The following VPS13C variants were observed in gnomAD, a reference collection of about 807,000 sequenced individuals.
The protein encoded by VPS13C is vacuolar protein sorting 13 homolog C.
VPS13C carries 358 observed loss-of-function variants against 456.8 expected under a neutral mutation model. The ratio of observed to expected loss-of-function variants is 0.78; its 90% CI spans 0.72 to 0.86. The LOEUF (loss-of-function observed/expected upper bound fraction) is 0.86, where lower values mean the gene tolerates loss of function less well. Ranked by LOEUF, VPS13C falls within the 40% of genes least tolerant of loss-of-function variation. The pLI is 0.00. For synonymous variants in VPS13C, 1,578 were observed against 1,486.7 expected (o/e 1.06, Z -1.41); for missense variants, 4,818 against 4,385.4 (o/e 1.10, Z -2.79).
chr15:61,876,980 C>T lies in VPS13C; in HGVS notation c.10217G>A (p.Ser3406Asn). The T allele has an allele frequency of 6.2e-7, 1 of 1,602,714 alleles. No homozygotes were observed. Among genetic ancestry groups the T allele is most frequent in the Non-Finnish European group, 8.5e-7 (1 of 1,173,734 alleles). ...ACTATGATAGGAAATTACCTGTTCA[C>T]TGTAATGCCTAACAACACTCCATAT... The part of the protein sequence containing the change: ...QLIWSVVRHY[S>N]EQFLKQMYVL... Residue 3406 changes from serine to asparagine, a missense_variant, in exon 75 of 85, where the codon AGT becomes AAT. Transcript: ENST00000644861.
chr15:61,991,242 A>G (rs1409944647), intron 17 of VPS13C, 148 bp from the exon 18 acceptor site: 5 of 618,836 alleles, frequency 8.1e-6, no homozygotes, highest in Non-Finnish European at 1.4e-5. Flanking sequence ...ATATACTACA[A>G]CTTTGACCAA....
chr15:61,901,865 A>G (rs2043007839), intron 66 of VPS13C, among the ~76,000 whole-genome samples: 1 of 152,088 alleles, frequency 6.6e-6, no homozygotes, highest in African/African-American at 2.4e-5. Context: ...ACCAACCCAA[A>G]TGTCCAACAA....
At chr15:62,019,636 G>A (rs1233273769) in intron 9 of VPS13C, among the ~76,000 whole-genome samples, 2 of 152,084 alleles carry the variant, frequency 1.3e-5, no homozygotes, top group Admixed American at 1.3e-4. Context: ...TAGTTTGATT[G>A]CACTGTGGTC....
At chr15:62,027,211 T>C (rs926456312) in intron 6 of VPS13C, among the ~76,000 whole-genome samples, 65 of 152,082 alleles carry the variant, frequency 4.3e-4, no homozygotes, top group African/African-American at 1.4e-3. Context: ...ACCAACATTC[T>C]GGACCTCATT....
At chr15:61,933,789 CA>C (rs2044137048) in intron 49 of VPS13C, among the ~76,000 whole-genome samples, 1 of 152,062 alleles carries the variant, frequency 6.6e-6, no homozygotes, top group Non-Finnish European at 1.5e-5. Context: ...AATAGAAACA[CA>C]ATTAATGCTT....
In VPS13C at chr15:61,942,085, T is replaced by A; in HGVS notation, c.5149-18A>T. The A allele has an allele frequency of 6.6e-7, 1 of 1,525,424 alleles. No individual in the cohort carries two copies. 94.5% of individuals were successfully genotyped at this position (1,525,424 alleles called of 1,614,324 possible). On this transcript the variant is annotated intron_variant, in intron 45 of 84. Transcript: ENST00000644861. ...AGGAAGTTCTGTTGGAAGAGACAGA[T>A]ATTTAGGGGAAAAAAGGCATTTATT...
chr15:61,958,654 C>G lies in VPS13C; in HGVS notation c.4119G>C (p.Glu1373Asp), dbSNP rs1480783752. ...LFRILTENLC[E>D]GTEDLDKVKP... Reference sequence around the variant, plus strand: ...TCACTTTATCCAAGTCTTCAGTACCCTCACAGAGATTTTCTGTTAGTATCC... The same window carrying G: ...TCACTTTATCCAAGTCTTCAGTACCGTCACAGAGATTTTCTGTTAGTATCC... The change falls in exon 37 of 85, where the codon GAG becomes GAC. Residue 1373 changes from glutamate (E) to aspartate (D), a missense_variant. Glu to Asp is a conservative substitution (Grantham distance 45). Transcript: ENST00000644861. The G allele has an allele frequency of 1.3e-6, 2 of 1,574,500 alleles. No homozygotes were observed. Among genetic ancestry groups the G allele is most frequent in the South Asian group, 2.4e-5 (2 of 83,664 alleles).
In VPS13C at chr15:61,865,771, T is replaced by C. The variant is rs866720495; in HGVS notation, c.10864-2243A>G. 9 of 665,126 alleles carry C rather than the reference T, an allele frequency of 1.4e-5. No homozygotes were observed. In the African/African-American group the frequency reaches 1.7e-4, roughly 13 times the overall value. The allele number at this position is 665,126 out of a possible 1,614,324, so 41.2% of individuals were successfully genotyped here. On this transcript the variant is annotated intron_variant, in intron 81 of 84. Coordinates refer to ENST00000644861, the MANE Select transcript of VPS13C (RefSeq NM_020821.3). ...GTATGTGTACATATATGTACGTGTGTATATATGTATGTGTATATATATGTG... is the reference window on the plus strand; with the variant it reads ...GTATGTGTACATATATGTACGTGTGCATATATGTATGTGTATATATATGTG...
intron 16 of VPS13C, among the ~76,000 whole-genome samples, chr15:61,998,438 G>GA (rs896333637): frequency 7.2e-5 from 11 of 151,822 alleles, no homozygotes; most frequent in African/African-American, 2.7e-4. Flanking sequence ...TAATGACAAT[G>GA]AAAAAAAATC....
chr15:61,875,731 C>T lies in VPS13C; in HGVS notation c.10338+1G>A. On this transcript the variant is annotated splice_donor_variant, in intron 76 of 84. Transcript: ENST00000644861. LOFTEE classifies it high-confidence loss of function. ...CCTTAGAACAAATAAGAGGTCAATA[C>T]CTGGAAGGGTTCATAGAATAAAGCT... 1 of 1,606,476 alleles carries T rather than the reference C, an allele frequency of 6.2e-7. No individual in the cohort carries two copies. The highest frequency in any genetic ancestry group is 1.3e-5 in the African/African-American group (1 of 74,548).
At chr15:62,017,858 T>G (rs1050965714) in intron 9 of VPS13C, among the ~76,000 whole-genome samples, 4 of 152,152 alleles carry the variant, frequency 2.6e-5, no homozygotes, top group African/African-American at 9.7e-5. Flanking sequence ...TGGCACTGAA[T>G]CTATAAATTA....
chr15:61,995,997 G>A (rs1295488786), intron 16 of VPS13C, among the ~76,000 whole-genome samples: 5 of 152,162 alleles, frequency 3.3e-5, no homozygotes. Context: ...CTAAAACCCT[G>A]AGAAAAACTC....
chr15:61,946,922 A>C (rs1443148860), intron 43 of VPS13C, among the ~76,000 whole-genome samples: 1 of 152,130 alleles, frequency 6.6e-6, no homozygotes, highest in Non-Finnish European at 1.5e-5. Context: ...CCTCCAAAAA[A>C]AATTTGTCAT....
rs2140892342 is a variant in VPS13C, at chr15:61,877,039, T to G, written c.10158A>C (p.Glu3386Asp). 1 of 1,607,988 alleles carries G rather than the reference T, an allele frequency of 6.2e-7. No individual in the cohort carries two copies. The change falls in exon 75 of 85, where the codon GAA becomes GAC. Residue 3386 changes from glutamate (E) to aspartate (D), a missense_variant. Physicochemically the swap from Glu to Asp is conservative, Grantham distance 45. This residue lies in a region of VPS13C where 4,552 missense variants were observed against 4,130.6 expected (regional missense o/e 1.10). Coordinates refer to ENST00000644861, the MANE Select transcript of VPS13C (RefSeq NM_020821.3). ...DDLIFKLAYY[E>D]IRYQFYKRDQ... ...CTCTCTTGTAGAACTGATATCGAAT[T>G]TCATAATAAGCAAGTCTGGGAGGAG...
intron 24 of VPS13C, 53 bp from the exon 25 acceptor site, chr15:61,974,470 G>T: frequency 6.4e-7 from 1 of 1,572,696 alleles, no homozygotes; most frequent in South Asian, 1.2e-5. Flanking sequence ...TACAAACGAG[G>T]GAAAGAATTG....
At chr15:62,015,961 A>AAAAAAAAAAAAAAAAAAAAAAAAAGAAGC (rs2047230754) in intron 9 of VPS13C, among the ~76,000 whole-genome samples, 1 of 23,920 alleles carries the variant, frequency 4.2e-5, no homozygotes, top group Non-Finnish European at 9.0e-5. Context: ...AAAGAAGTCC[A>AAAAAAAAAAAAAAAAAAAAAAAAAGAAGC]AAAAAAAAAA....
At position 61,883,481 on chromosome 15, in the gene VPS13C, C is replaced by G. The variant is rs1896030645; in HGVS notation, c.9483+647G>C. Among the ~76,000 whole-genome samples, 3 of 152,206 alleles carry G rather than the reference C, an allele frequency of 2.0e-5. No homozygotes were observed. The South Asian group carries it at 6.2e-4, about 32-fold the overall frequency. On this transcript the variant is annotated intron_variant, in intron 68 of 84. Transcript: ENST00000644861. The stretch of plus-strand genomic sequence containing the variant: ...GGAATGTAACTGGTGACAGTGCTAA[C>G]CAAACCATCAGGCAACAATGACAAA...
intron 3 of VPS13C, 110 bp from the exon 4 acceptor site, chr15:62,035,162 C>T: frequency 1.8e-6 from 1 of 546,194 alleles, no homozygotes; most frequent in Non-Finnish European, 3.1e-6. Flanking sequence ...ATGGTATGTA[C>T]ATCACTCAGA....
At chr15:62,033,087 A>G (rs2047872234) in intron 5 of VPS13C, among the ~76,000 whole-genome samples, 1 of 151,678 alleles carries the variant, frequency 6.6e-6, no homozygotes, top group Non-Finnish European at 1.5e-5. Flanking sequence ...TAACCTCATT[A>G]TCCAGCAAGA....
Sources: allele counts gnomAD v4.1 joint callset (sites outside exome capture counted in the v4.1 genomes callset), GRCh38; gene constraint gnomAD v4.1.1; regional missense constraint gnomAD v4.1.1; transcripts MANE v1.5; gene names NCBI Gene and HGNC (gene_info 2026-07-23, HGNC 2026-07-21).